ADGRA3: variants seen among roughly 807,000 people sequenced by gnomAD.
The protein encoded by ADGRA3 is adhesion G protein-coupled receptor A3, also known as G-protein coupled receptor 125.
ADGRA3 carries 56 observed loss-of-function variants against 119.8 expected under a neutral mutation model. The observed-to-expected ratio is 0.47, with a 90% CI of 0.38 to 0.58. The LOEUF is 0.58. ADGRA3 is among the 20% of genes least tolerant of loss of function. The pLI is 0.00. For missense variants in ADGRA3, 1,516 were observed against 1,649.0 expected, an observed-to-expected ratio of 0.92 and a Z score of 1.40; for synonymous variants, 607 against 623.8, an observed-to-expected ratio of 0.97 and a Z score of 0.40.
chr4:22,443,209 A>G, intron 6 of ADGRA3: 1 of 596,896 alleles, frequency 1.7e-6, no homozygotes, highest in South Asian at 2.1e-5. Context: ...CAACTTTAAA[A>G]TACACTTTGG....
intron 11 of ADGRA3, among the ~76,000 whole-genome samples, chr4:22,423,713 T>C (rs571664123): frequency 2.6e-5 from 4 of 152,324 alleles, no homozygotes; most frequent in East Asian, 1.9e-4. Flanking sequence ...TCTTCTGAGA[T>C]TGAAACCTGG....
chr4:22,414,715 CT>C, intron 12 of ADGRA3: 1 of 629,870 alleles, frequency 1.6e-6, no homozygotes, highest in South Asian at 1.9e-5. Context: ...TGATGAAAAT[CT>C]ATTGCTCAGA....
At chr4:22,515,394 T>C (rs1719612869) in intron 1 of ADGRA3, 134 bp downstream of exon 1, 8 of 1,119,934 alleles carry the variant, frequency 7.1e-6, no homozygotes, top group Non-Finnish European at 9.5e-6. Context: ...ACACGAGGTC[T>C]TTCCTAGCAC....
intron 14 of ADGRA3, among the ~76,000 whole-genome samples, chr4:22,405,819 A>G (rs868443304): frequency 6.6e-6 from 1 of 152,218 alleles, no homozygotes; most frequent in African/African-American, 2.4e-5. Flanking sequence ...GTAATGACCA[A>G]ATCAAATTGG....
chr4:22,489,469 T>C (rs537765992), intron 1 of ADGRA3, among the ~76,000 whole-genome samples: 1 of 152,220 alleles, frequency 6.6e-6, no homozygotes, highest in Admixed American at 6.5e-5. Flanking sequence ...ATGATAAACA[T>C]GTATGTTTCC....
chr4:22,491,823 C>G (rs1408802060), intron 1 of ADGRA3, among the ~76,000 whole-genome samples: 1 of 152,194 alleles, frequency 6.6e-6, no homozygotes, highest in East Asian at 1.9e-4. Context: ...CAGTCTTAAA[C>G]AAAGTCTTCC....
chr4:22,430,264 A>C (rs940381604), intron 10 of ADGRA3, among the ~76,000 whole-genome samples: 1 of 152,168 alleles, frequency 6.6e-6, no homozygotes, highest in African/African-American at 2.4e-5. Context: ...AAAGATACCC[A>C]AAAATGTGGA....
intron 1 of ADGRA3, among the ~76,000 whole-genome samples, chr4:22,474,713 C>A (rs1226084084): frequency 1.3e-5 from 2 of 152,154 alleles, no homozygotes; most frequent in Non-Finnish European, 2.9e-5. Flanking sequence ...CAATGGCAGA[C>A]CCAGATTTTG....
intron 12 of ADGRA3, 83 bp from the exon 13 acceptor site, chr4:22,413,897 G>T: frequency 2.2e-6 from 2 of 906,228 alleles, no homozygotes; most frequent in Non-Finnish European, 3.2e-6. Flanking sequence ...AGTTACAAAA[G>T]TGGTATAATT....
At chr4:22,508,360 C>T (rs1252588291) in intron 1 of ADGRA3, among the ~76,000 whole-genome samples, 1 of 152,160 alleles carries the variant, frequency 6.6e-6, no homozygotes, top group African/African-American at 2.4e-5. Context: ...TCAGGGGACA[C>T]TGAGATGTAG....
At chr4:22,500,142 C>T (rs766510868) in intron 1 of ADGRA3, among the ~76,000 whole-genome samples, 1 of 151,970 alleles carries the variant, frequency 6.6e-6, no homozygotes, top group Non-Finnish European at 1.5e-5. Flanking sequence ...TGTCAGTCAT[C>T]GCTGAAGGAA....
chr4:22,437,542 A>T (rs1426567339), intron 8 of ADGRA3, among the ~76,000 whole-genome samples: 2 of 152,218 alleles, frequency 1.3e-5, no homozygotes, highest in African/African-American at 2.4e-5. Context: ...CTGAACATAA[A>T]TAAGATCAAG....
At chr4:22,471,492 CTT>C (rs901375377) in intron 2 of ADGRA3, among the ~76,000 whole-genome samples, 1 of 152,092 alleles carries the variant, frequency 6.6e-6, no homozygotes, top group Non-Finnish European at 1.5e-5. Context: ...ATCACTTTTT[CTT>C]TCTTTCTAAA....
At chr4:22,426,958 T>C (rs1236665459) in intron 10 of ADGRA3, among the ~76,000 whole-genome samples, 2 of 152,198 alleles carry the variant, frequency 1.3e-5, no homozygotes, top group African/African-American at 4.8e-5. Context: ...TATTGACTCT[T>C]GCTATGTCAG....
intron 12 of ADGRA3, 154 bp from the exon 13 acceptor site, chr4:22,413,968 C>A: frequency 1.8e-6 from 1 of 552,022 alleles, no homozygotes; most frequent in Middle Eastern, 4.8e-4. Flanking sequence ...AATCATCAGT[C>A]AAGCGAAATG....
rs201603391 is a variant in ADGRA3, at chr4:22,413,087, A to AC, written c.2232+94_2232+95insG. 7.6e-3 allele frequency: 7,334 copies of AC among 962,954 alleles called. 133 individuals are homozygous for AC. The highest frequency in any genetic ancestry group is 0.052 in the Admixed American group (2,320 of 44,456). The allele number at this position is 962,954 out of a possible 1,614,324, so 59.7% of individuals were successfully genotyped here. ...ATTATGTTAAAAGTAAAAAAAAAAA[A>AC]AAAACAAAAAACAAAAAAACACTTC... On this transcript the variant is annotated intron_variant, in intron 14 of 18. Transcript: ENST00000334304.
intron 17 of ADGRA3, 68 bp downstream of exon 17, chr4:22,392,477 G>C: frequency 6.4e-7 from 1 of 1,567,286 alleles, no homozygotes; most frequent in South Asian, 1.1e-5. Flanking sequence ...CAGCAATTTT[G>C]TTATAATTTA....
chr4:22,466,316 A>T (rs1449965242), intron 2 of ADGRA3, among the ~76,000 whole-genome samples: 2 of 152,130 alleles, frequency 1.3e-5, no homozygotes, highest in Admixed American at 6.5e-5. Context: ...AGACCTCTGC[A>T]CTTGGGATTC....
chr4:22,508,997 T>C (rs957966895), intron 1 of ADGRA3, among the ~76,000 whole-genome samples: 1 of 151,968 alleles, frequency 6.6e-6, no homozygotes, highest in African/African-American at 2.4e-5. Flanking sequence ...TTGACACCCA[T>C]GTTCCACCCT....
Sources: allele counts gnomAD v4.1 joint callset (sites outside exome capture counted in the v4.1 genomes callset), GRCh38; gene constraint gnomAD v4.1.1; transcripts MANE v1.5; gene names NCBI Gene and HGNC (gene_info 2026-07-23, HGNC 2026-07-21).